The following COPS8 variants were observed in gnomAD, a reference collection of about 807,000 sequenced individuals.
COPS8 encodes COP9 signalosome complex subunit 8.
In COPS8, 11 loss-of-function variants were observed where a neutral mutation model predicts 31.5. The observed-to-expected ratio is 0.35, with a 90% CI of 0.22 to 0.58. The LOEUF is 0.58. Ranked by LOEUF, COPS8 falls within the 20% of genes least tolerant of loss-of-function variation. COPS8 has a pLI of 0.83. For synonymous variants in COPS8, 81 were observed against 89.3 expected (o/e 0.91, Z 0.52); for missense variants, 215 against 255.1 (o/e 0.84, Z 1.07).
chr2:237,091,001 A>G (rs767578988), intron 4 of COPS8, among the ~76,000 whole-genome samples: 20 of 152,196 alleles, frequency 1.3e-4, no homozygotes, highest in Non-Finnish European at 2.8e-4. Flanking sequence ...GTGGACTTCC[A>G]TAGTATCCTC....
Position 237,097,923 on chromosome 2 carries a change from GA to G in COPS8, c.*183del. ...ACATTTTGTCCATAAACGTTATGCT[GA>G]ATAGTTGTTGAAACAGTTCTCATTT... On this transcript the variant is annotated 3_prime_UTR_variant, in exon 8 of 8. Transcript: ENST00000354371. The G allele has an allele frequency of 2.1e-6, 1 of 472,504 alleles. No homozygotes were observed. The highest frequency in any genetic ancestry group is 3.8e-6 in the Non-Finnish European group (1 of 265,248). 29.3% of individuals were successfully genotyped at this position (472,504 alleles called of 1,614,324 possible). A position where few individuals can be genotyped will look rare whatever the true frequency, so the allele number is the denominator to read the frequency against.
rs1188385481 is a variant in COPS8, at chr2:237,098,292, C to A, written c.*550C>A. ...CAAATAGACCATTTCCATACTAAAC[C>A]AGTTTGTTAACTTTAGATTTTTTCC... On this transcript the variant is annotated 3_prime_UTR_variant, in exon 8 of 8. Coordinates refer to ENST00000354371, the MANE Select transcript of COPS8 (RefSeq NM_006710.5). The A allele has an allele frequency of 6.6e-6, 1 of 152,486 alleles. No homozygotes were observed. The highest frequency in any genetic ancestry group is 1.5e-5 in the Non-Finnish European group (1 of 68,242). 9.4% of individuals were successfully genotyped at this position (152,486 alleles called of 1,614,324 possible). A position where few individuals can be genotyped will look rare whatever the true frequency, so the allele number is the denominator to read the frequency against.
intron 2 of COPS8, among the ~76,000 whole-genome samples, chr2:237,088,347 A>T (rs768907387): frequency 6.6e-6 from 1 of 152,214 alleles, no homozygotes; most frequent in African/African-American, 2.4e-5. Context: ...CTGTTGCCTA[A>T]ATTTAGGATA....
chr2:237,093,417 G>T (rs141045496), intron 4 of COPS8, among the ~76,000 whole-genome samples: 32 of 152,314 alleles, frequency 2.1e-4, no homozygotes, highest in Non-Finnish European at 2.8e-4. Context: ...AGGGAGAAAG[G>T]CCAGCTGGTT....
At chr2:237,087,386 T>G (rs1574835369) in intron 2 of COPS8, 189 bp downstream of exon 2, 2 of 547,148 alleles carry the variant, frequency 3.7e-6, no homozygotes, top group Middle Eastern at 6.3e-4. Flanking sequence ...TTGTCTTACA[T>G]ATACTTTCTA....
intron 3 of COPS8, among the ~76,000 whole-genome samples, chr2:237,089,095 G>A (rs1205278629): frequency 6.6e-6 from 1 of 152,092 alleles, no homozygotes; most frequent in African/African-American, 2.4e-5. Flanking sequence ...TTCTTATTTT[G>A]GTTGGGAGAT....
At chr2:237,086,150 A>C in intron 1 of COPS8, 108 bp downstream of exon 1, 4 of 1,072,906 alleles carry the variant, frequency 3.7e-6, no homozygotes, top group South Asian at 1.4e-5. Flanking sequence ...TTGGGAGCTC[A>C]CGGGGCGGGC....
At chr2:237,093,276 TAA>T (rs766210696) in intron 4 of COPS8, among the ~76,000 whole-genome samples, 4 of 152,224 alleles carry the variant, frequency 2.6e-5, no homozygotes, top group Non-Finnish European at 5.9e-5. Context: ...GAGAAGATTT[TAA>T]ATATGTTAGG....
At position 237,088,654 on chromosome 2, in the gene COPS8, G is replaced by GT; in HGVS notation, c.198+2dup. On this transcript the variant is annotated splice_donor_variant, in intron 3 of 7. Transcript: ENST00000354371. LOFTEE classifies it high-confidence loss of function. ...AAGAATACCACCTGCTATAAAATCT[G>GT]TAAGTATCCTTTAAACCTATTTTAC... 1 of 1,580,996 alleles carries GT rather than the reference G, an allele frequency of 6.3e-7. No individual in the cohort carries two copies. The highest frequency in any genetic ancestry group is 8.7e-7 in the Non-Finnish European group (1 of 1,155,928).
intron 5 of COPS8, among the ~76,000 whole-genome samples, chr2:237,094,843 G>A (rs983446059): frequency 2.0e-5 from 3 of 152,150 alleles, no homozygotes; most frequent in Non-Finnish European, 4.4e-5. Flanking sequence ...GCAGGCACCT[G>A]TAATCCCAAC....
intron 3 of COPS8, among the ~76,000 whole-genome samples, chr2:237,088,896 C>T (rs1345499127): frequency 1.3e-5 from 2 of 152,128 alleles, no homozygotes; most frequent in Non-Finnish European, 2.9e-5. Flanking sequence ...TGCAGCTTCC[C>T]TAGTTAAACA....
Position 237,095,883 on chromosome 2 carries a change from A to G in COPS8, c.501A>G (p.Pro167=). ...CAAGAATGGTTCTGCCCAGAAAGCC[A>G]GGTAGGTGGAGCTTTCACCCATTTA... ...STTRMVLPRK[P]VAGALDVSFN... Residue 167 remains proline (P), a splice_region_variant and synonymous_variant, in exon 6 of 8, where the codon CCA becomes CCG. Coordinates refer to ENST00000354371, the MANE Select transcript of COPS8 (RefSeq NM_006710.5). 2.5e-6 allele frequency: 4 copies of G among 1,609,866 alleles called. No individual in the cohort carries two copies. The highest frequency in any genetic ancestry group is 3.4e-6 in the Non-Finnish European group (4 of 1,176,150).
intron 4 of COPS8, 69 bp downstream of exon 4, chr2:237,090,063 TAATA>T: frequency 6.7e-7 from 1 of 1,503,390 alleles, no homozygotes; most frequent in Non-Finnish European, 9.1e-7. Flanking sequence ...AGTGTTGAAG[TAATA>T]AATCAGTGGT....
chr2:237,090,770 C>T (rs903899358), intron 4 of COPS8, among the ~76,000 whole-genome samples: 1 of 152,082 alleles, frequency 6.6e-6, no homozygotes. Flanking sequence ...CACATAATTC[C>T]CTTGGAATGG....
intron 6 of COPS8, among the ~76,000 whole-genome samples, chr2:237,096,284 G>T (rs1043488375): frequency 6.6e-6 from 1 of 152,022 alleles, no homozygotes; most frequent in African/African-American, 2.4e-5. Context: ...TTTTCCTGTG[G>T]CTTCCACTTT....
Position 237,094,146 on chromosome 2 carries a change from G to A in COPS8, c.388G>A (p.Ala130Thr), listed in dbSNP as rs1696753037. ...LVSQAYTSII[A>T]DDFAAFVGLP... ...CTCTCAAGCGTATACTTCAATCATC[G>A]CCGATGATTTTGCAGCCTTTGTTGG... The change falls in exon 5 of 8, where the codon GCC (alanine) becomes ACC (threonine). Residue 130 changes from alanine (A) to threonine (T), a missense_variant. By Grantham distance (58) the Ala-to-Thr change is moderately conservative. Coordinates refer to ENST00000354371, the MANE Select transcript of COPS8 (RefSeq NM_006710.5). 6.2e-7 allele frequency: 1 copy of A among 1,613,934 alleles called. No individual in the cohort carries two copies. Among genetic ancestry groups the A allele is most frequent in the Non-Finnish European group, 8.5e-7 (1 of 1,179,914 alleles).
At chr2:237,088,513 G>A (rs1412978712) in intron 2 of COPS8, 92 bp from the exon 3 acceptor site, 24 of 824,012 alleles carry the variant, frequency 2.9e-5, no homozygotes, top group African/African-American at 6.9e-5. Flanking sequence ...GTATACTTCT[G>A]TATGTTTGGC....
chr2:237,097,808 G>C lies in COPS8; in HGVS notation c.*66G>C, dbSNP rs577583164. 9 of 1,240,168 alleles carry C rather than the reference G, an allele frequency of 7.3e-6. No homozygotes were observed. The highest frequency in any genetic ancestry group is 1.2e-6 in the Non-Finnish European group (1 of 855,232). The allele number at this position is 1,240,168 out of a possible 1,614,324, so 76.8% of individuals were successfully genotyped here. A position where few individuals can be genotyped will look rare whatever the true frequency, so the allele number is the denominator to read the frequency against. ...ATACTGACAAACGTAGAAATGTAAA[G>C]TTTGTATTTTCAATTTATTGGATGG... On this transcript the variant is annotated 3_prime_UTR_variant, in exon 8 of 8. Coordinates refer to ENST00000354371, the MANE Select transcript of COPS8 (RefSeq NM_006710.5).
rs1353444955 is a variant in COPS8 at position 237,099,604 on chromosome 2, A to G, written c.*1862A>G. Reference sequence around the variant, plus strand: ...AAATTTGACATGGAAACCTCATTATATGCTTTATTTTTCTTTGTAAACAGT... The same window carrying G: ...AAATTTGACATGGAAACCTCATTATGTGCTTTATTTTTCTTTGTAAACAGT... On this transcript the variant is annotated 3_prime_UTR_variant, in exon 8 of 8. Coordinates refer to ENST00000354371, the MANE Select transcript of COPS8 (RefSeq NM_006710.5). 1 of 152,170 alleles carries G rather than the reference A, an allele frequency of 6.6e-6. No homozygotes were observed. Among genetic ancestry groups the G allele is most frequent in the Admixed American group, 6.6e-5 (1 of 15,264 alleles). 9.4% of individuals were successfully genotyped at this position (152,170 alleles called of 1,614,324 possible).
Sources: gnomAD v4.1 joint callset for allele counts (sites outside exome capture counted in the v4.1 genomes callset) on GRCh38, gnomAD v4.1.1 for gene constraint, MANE v1.5 for transcripts, NCBI Gene and HGNC (gene_info 2026-07-23, HGNC 2026-07-21) for gene names.